The following EIF2AK4 variants were observed in gnomAD, a reference collection of about 807,000 sequenced individuals.
EIF2AK4 encodes eIF-2-alpha kinase GCN2.
In EIF2AK4, 139 loss-of-function variants were observed where a neutral mutation model predicts 211.1. The observed-to-expected ratio is 0.66, with a 90% confidence interval of 0.57 to 0.76. The LOEUF is 0.76. EIF2AK4 is among the 30% of genes least tolerant of loss of function. EIF2AK4 has a pLI of 0.00. For missense variants in EIF2AK4, 1,664 were observed against 2,043.8 expected (o/e 0.81, Z 3.58); for synonymous variants, 710 against 751.3 (o/e 0.94, Z 0.90).
chr15:40,015,304 G>A (rs756805828), intron 27 of EIF2AK4, among the ~76,000 whole-genome samples: 12 of 152,136 alleles, frequency 7.9e-5, no homozygotes, highest in Admixed American at 2.6e-4. Context: ...ACGAAACTGC[G>A]TAATTTATAA....
intron 6 of EIF2AK4, among the ~76,000 whole-genome samples, chr15:39,958,551 GTC>G (rs1355499438): frequency 6.6e-6 from 1 of 152,140 alleles, no homozygotes; most frequent in African/African-American, 2.4e-5. Flanking sequence ...TCCTTGATAC[GTC>G]TCTCCAGACA....
chr15:39,998,724 T>C lies in EIF2AK4; in HGVS notation c.2869-7T>C. The stretch of plus-strand genomic sequence containing the variant: ...AAAACCTTGCTGATTTGAATATATT[T>C]TTTTAGCCCACTTCGCCTAAGTTTC... On this transcript the variant is annotated splice_region_variant and splice_polypyrimidine_tract_variant and intron_variant, in intron 19 of 38. Transcript: ENST00000263791. 2 of 1,611,984 alleles carry C rather than the reference T, an allele frequency of 1.2e-6. No individual in the cohort carries two copies. Among genetic ancestry groups the C allele is most frequent in the Admixed American group, 3.3e-5 (2 of 59,776 alleles).
chr15:39,943,635 G>A (rs934908227), intron 3 of EIF2AK4, 150 bp downstream of exon 3: 2 of 655,696 alleles, frequency 3.1e-6, no homozygotes, highest in African/African-American at 3.8e-5. Flanking sequence ...AATGAAATTT[G>A]TAGTCTATAG....
chr15:40,021,749 C>A (rs1440900570), intron 31 of EIF2AK4: 1 of 152,332 alleles, frequency 6.6e-6, no homozygotes, highest in African/African-American at 2.4e-5. Flanking sequence ...GGGTGCACTC[C>A]CAGGAGATCA....
At chr15:39,986,896 T>C (rs1392941431) in intron 14 of EIF2AK4, among the ~76,000 whole-genome samples, 1 of 151,918 alleles carries the variant, frequency 6.6e-6, no homozygotes, top group East Asian at 1.9e-4. Flanking sequence ...CAAAGAAGTC[T>C]TTCCTCTGCC....
chr15:39,939,426 C>A, intron 1 of EIF2AK4, 79 bp from the exon 2 acceptor site: 1 of 773,852 alleles, frequency 1.3e-6, no homozygotes, highest in Non-Finnish European at 1.9e-6. Context: ...AACTTTTGAT[C>A]TAAAATGATC....
In EIF2AK4 at chr15:39,986,591, C is replaced by T. The variant is rs568990311; in HGVS notation, c.2403+703C>T. The stretch of plus-strand genomic sequence containing the variant: ...CAAGTTGGCCGGGCACGGTGGCTTA[C>T]GCCTGCAATCCCAGCACTTTGGGAG... On this transcript the variant is annotated intron_variant, in intron 14 of 38. Coordinates refer to ENST00000263791, the MANE Select transcript of EIF2AK4 (RefSeq NM_001013703.4). Among the ~76,000 whole-genome samples the T allele has an allele frequency of 8.5e-5, 13 of 152,336 alleles. 1 individual carries two copies. In the East Asian group the frequency reaches 9.7e-4, roughly 11 times the overall value.
At chr15:40,015,684 TTAACTC>T (rs1334529297) in intron 27 of EIF2AK4, among the ~76,000 whole-genome samples, 3 of 152,240 alleles carry the variant, frequency 2.0e-5, no homozygotes, top group Non-Finnish European at 4.4e-5. Context: ...TGATTTATGA[TTAACTC>T]TAAGATTAAG....
chr15:40,032,155 T>C lies in EIF2AK4; in HGVS notation c.4660-14T>C, dbSNP rs548758142. ...GGTTTAACATGTTCTGAATTCCATT[T>C]TCTTACTATTTAGGTACAAACTCGA... On this transcript the variant is annotated splice_polypyrimidine_tract_variant and intron_variant, in intron 35 of 38. Coordinates refer to ENST00000263791, the MANE Select transcript of EIF2AK4 (RefSeq NM_001013703.4). 4 of 1,608,566 alleles carry C rather than the reference T, an allele frequency of 2.5e-6. No individual in the cohort carries two copies. In the South Asian group the frequency reaches 4.4e-5, roughly 18 times the overall value.
chr15:39,997,574 G>T (rs2035033907), intron 19 of EIF2AK4, among the ~76,000 whole-genome samples: 1 of 152,184 alleles, frequency 6.6e-6, no homozygotes, highest in Non-Finnish European at 1.5e-5. Context: ...GTAAAGAAAT[G>T]GGTATTTAGT....
intron 1 of EIF2AK4, among the ~76,000 whole-genome samples, chr15:39,936,656 C>T (rs1043184477): frequency 3.3e-5 from 5 of 152,074 alleles, no homozygotes; most frequent in South Asian, 2.1e-4. Flanking sequence ...CAAGTCCTCC[C>T]GCCTCGCCTC....
At chr15:39,975,438 T>G (rs1281364044) in intron 11 of EIF2AK4, 2 of 152,252 alleles carry the variant, frequency 1.3e-5, no homozygotes, top group South Asian at 2.1e-4. Flanking sequence ...AATGATATTC[T>G]GTTTTGTGTT....
At chr15:39,955,815 G>T in intron 6 of EIF2AK4, 47 bp downstream of exon 6, 1 of 1,532,824 alleles carries the variant, frequency 6.5e-7, no homozygotes, top group Non-Finnish European at 8.7e-7. Flanking sequence ...GATGTAGAAG[G>T]ATTTTACTAC....
At chr15:39,973,799 C>T in intron 11 of EIF2AK4, 50 bp downstream of exon 11, 1 of 1,597,450 alleles carries the variant, frequency 6.3e-7, no homozygotes, top group South Asian at 1.1e-5. Context: ...TTCTCTGTTC[C>T]ATTTCCACAA....
chr15:39,992,469 T>A, intron 17 of EIF2AK4: 1 of 533,924 alleles, frequency 1.9e-6, no homozygotes, highest in Non-Finnish European at 3.3e-6. Context: ...GGGTAGACAG[T>A]TTTATTTTGT....
chr15:39,954,081 TA>T, intron 5 of EIF2AK4, 97 bp downstream of exon 5: 1 of 1,015,520 alleles, frequency 9.8e-7, no homozygotes, highest in South Asian at 2.0e-5. Flanking sequence ...TAATACAGCT[TA>T]AAATAAAGCA....
chr15:40,011,969 T>G (rs6492925), intron 27 of EIF2AK4, among the ~76,000 whole-genome samples: 133,443 of 152,224 alleles, frequency 0.88, 58,941 homozygotes, highest in Non-Finnish European at 0.92. Context: ...AACAACAGAA[T>G]ACAACAGGGA....
chr15:39,964,987 TTC>T (rs1221389193), intron 7 of EIF2AK4, among the ~76,000 whole-genome samples: 1 of 152,236 alleles, frequency 6.6e-6, no homozygotes, highest in Non-Finnish European at 1.5e-5. Context: ...CGATGGCTTG[TTC>T]TCTATTTTCA....
intron 33 of EIF2AK4, 86 bp downstream of exon 33, chr15:40,026,175 C>A: frequency 3.2e-6 from 4 of 1,262,558 alleles, no homozygotes; most frequent in South Asian, 1.3e-5. Context: ...TCAATTTGAG[C>A]CAGGTGCTGT....
Sources: allele counts gnomAD v4.1 joint callset (sites outside exome capture counted in the v4.1 genomes callset), GRCh38; gene constraint gnomAD v4.1.1; transcripts MANE v1.5; gene names NCBI Gene and HGNC (gene_info 2026-07-23, HGNC 2026-07-21).